CCSER1: variants seen among roughly 807,000 people sequenced by gnomAD.
CCSER1 encodes the protein coiled-coil serine rich protein 1, also known as serine-rich coiled-coil domain-containing protein 1.
Under a neutral mutation model 82.0 loss-of-function variants are expected in CCSER1, and 41 were observed. That is an observed-to-expected ratio of 0.50 (90% CI 0.39 to 0.65). The LOEUF (loss-of-function observed/expected upper bound fraction) is 0.65, where lower values mean the gene tolerates loss of function less well. Among genes scored for constraint, CCSER1 ranks in the 30% least tolerant of loss-of-function variants. The probability of loss-of-function intolerance (pLI) is 0.00; values close to 1 mark genes in which losing one functional copy is unlikely to be tolerated. For synonymous variants in CCSER1, 414 were observed against 383.9 expected (o/e 1.08, Z -0.92); for missense variants, 1,119 against 1,064.2 (o/e 1.05, Z -0.72).
In CCSER1 at chr4:90,159,181, A is replaced by G. The variant is rs1431025; in HGVS notation, c.-42+31350A>G. On this transcript the variant is annotated intron_variant, in intron 1 of 10. Transcript: ENST00000509176. ...CTTTAGTAACTAGGACTGTAGGCCTATGCCACCGTGACTGGTTAATTTTAT... is the reference window on the plus strand; with the variant it reads ...CTTTAGTAACTAGGACTGTAGGCCTGTGCCACCGTGACTGGTTAATTTTAT... Among the ~76,000 whole-genome samples, 1,132 of 152,056 alleles carry G rather than the reference A, an allele frequency of 7.4e-3. 14 individuals carry two copies. Among genetic ancestry groups the G allele is most frequent in the African/African-American group, 0.026 (1,070 of 41,448 alleles).
chr4:90,510,506 A>G (rs1292652593), intron 5 of CCSER1, among the ~76,000 whole-genome samples: 1 of 152,238 alleles, frequency 6.6e-6, no homozygotes, highest in Non-Finnish European at 1.5e-5. Flanking sequence ...CACATATGAG[A>G]CAAAGAAATG....
chr4:90,178,753 A>G (rs1304667529), intron 1 of CCSER1, among the ~76,000 whole-genome samples: 1 of 152,198 alleles, frequency 6.6e-6, no homozygotes, highest in African/African-American at 2.4e-5. Flanking sequence ...AATTCTTTCA[A>G]GGCTCATGAA....
At chr4:90,917,294 A>G (rs983601709) in intron 8 of CCSER1, among the ~76,000 whole-genome samples, 1 of 152,242 alleles carries the variant, frequency 6.6e-6, no homozygotes, top group Admixed American at 6.5e-5. Context: ...GACTGGATTA[A>G]GAAAATGTGG....
At chr4:90,238,197 T>A (rs1342338290) in intron 1 of CCSER1, among the ~76,000 whole-genome samples, 3 of 152,200 alleles carry the variant, frequency 2.0e-5, no homozygotes, top group Admixed American at 2.0e-4. Context: ...TTGTACCTTA[T>A]ATAACTTCAG....
chr4:91,306,784 C>CAAATTGACCACAG (rs1292851302), intron 10 of CCSER1, among the ~76,000 whole-genome samples: 1 of 151,980 alleles, frequency 6.6e-6, no homozygotes, highest in African/African-American at 2.4e-5. Flanking sequence ...AACAGAGATA[C>CAAATTGACCACAG]AAATTGACCA....
chr4:91,152,649 G>A (rs971681965), intron 10 of CCSER1, among the ~76,000 whole-genome samples: 2 of 152,110 alleles, frequency 1.3e-5, no homozygotes, highest in South Asian at 2.1e-4. Context: ...TTTTGCAGTG[G>A]CTGGTACCAG....
chr4:90,506,018 A>G (rs1313275652), intron 5 of CCSER1, among the ~76,000 whole-genome samples: 1 of 152,094 alleles, frequency 6.6e-6, no homozygotes, highest in East Asian at 1.9e-4. Context: ...TTGCGATTCT[A>G]TTTGCATGTC....
At chr4:90,721,922 G>T (rs1335956724) in intron 6 of CCSER1, among the ~76,000 whole-genome samples, 3 of 150,316 alleles carry the variant, frequency 2.0e-5, no homozygotes, top group Non-Finnish European at 1.5e-5. Flanking sequence ...TAAAATTAAG[G>T]TGTCACACTT....
At chr4:90,521,405 A>G (rs1386787452) in intron 5 of CCSER1, among the ~76,000 whole-genome samples, 1 of 152,158 alleles carries the variant, frequency 6.6e-6, no homozygotes, top group African/African-American at 2.4e-5. Flanking sequence ...AATATAATAC[A>G]AAAGGGAATT....
intron 10 of CCSER1, among the ~76,000 whole-genome samples, chr4:91,333,073 T>A (rs1301182855): frequency 2.0e-5 from 3 of 152,076 alleles, no homozygotes; most frequent in Non-Finnish European, 4.4e-5. Context: ...TAAACATCCA[T>A]TCTTGTCACA....
At chr4:91,059,466 TA>T (rs1743773435) in intron 9 of CCSER1, among the ~76,000 whole-genome samples, 1 of 149,674 alleles carries the variant, frequency 6.7e-6, no homozygotes, top group Non-Finnish European at 1.5e-5. Flanking sequence ...TATATATATA[TA>T]TATATATAAG....
intron 3 of CCSER1, among the ~76,000 whole-genome samples, chr4:90,364,704 T>C (rs548946068): frequency 6.6e-6 from 1 of 152,034 alleles, no homozygotes; most frequent in Non-Finnish European, 1.5e-5. Context: ...GCCTACCAGA[T>C]TGATTGCTGT....
intron 6 of CCSER1, among the ~76,000 whole-genome samples, chr4:90,675,393 A>G (rs1042116406): frequency 7.9e-5 from 12 of 151,466 alleles, no homozygotes; most frequent in African/African-American, 2.9e-4. Flanking sequence ...CTATATGTCT[A>G]GTAAATGTGT....
chr4:91,423,323 A>G (rs1393627241), intron 10 of CCSER1, among the ~76,000 whole-genome samples: 2 of 151,900 alleles, frequency 1.3e-5, no homozygotes, highest in African/African-American at 4.8e-5. Context: ...CCAGATGCTA[A>G]GGAGACTGAG....
chr4:90,834,900 G>T (rs1171510159), intron 8 of CCSER1, among the ~76,000 whole-genome samples: 1 of 152,112 alleles, frequency 6.6e-6, no homozygotes, highest in Non-Finnish European at 1.5e-5. Flanking sequence ...AGCCACTCAA[G>T]TTTCCTTAAA....
At chr4:90,804,174 C>G (rs887292951) in intron 7 of CCSER1, among the ~76,000 whole-genome samples, 5 of 152,158 alleles carry the variant, frequency 3.3e-5, no homozygotes, top group African/African-American at 1.2e-4. Flanking sequence ...CCTGTTCACT[C>G]TGATGATAGC....
chr4:91,393,867 TGA>T (rs1015620319), intron 10 of CCSER1, among the ~76,000 whole-genome samples: 2 of 152,130 alleles, frequency 1.3e-5, no homozygotes, highest in Admixed American at 6.6e-5. Context: ...CAGCTGGTGC[TGA>T]GAGAGAGTCA....
At chr4:91,324,965 CTGG>C in intron 10 of CCSER1, 1 of 318,796 alleles carries the variant, frequency 3.1e-6, no homozygotes. Flanking sequence ...AAGGTGGGGC[CTGG>C]TGGGAGGTGA....
At chr4:90,919,040 A>G (rs1727969700) in intron 8 of CCSER1, among the ~76,000 whole-genome samples, 1 of 147,384 alleles carries the variant, frequency 6.8e-6, no homozygotes, top group Admixed American at 6.9e-5. Flanking sequence ...TTGTGCTTTT[A>G]CAGGAAATAC....
Sources: gnomAD v4.1 joint callset for allele counts (sites outside exome capture counted in the v4.1 genomes callset) on GRCh38, gnomAD v4.1.1 for gene constraint, MANE v1.5 for transcripts, NCBI Gene and HGNC (gene_info 2026-07-23, HGNC 2026-07-21) for gene names.